PELI2: variants seen among roughly 807,000 people sequenced by gnomAD.
The protein encoded by PELI2 is E3 ubiquitin-protein ligase pellino homolog 2.
Under a neutral mutation model 42.3 loss-of-function variants are expected in PELI2, and 23 were observed. The observed-to-expected ratio is 0.54, with a 90% confidence interval of 0.39 to 0.77. PELI2 has a LOEUF of 0.77. Among genes scored for constraint, PELI2 ranks in the 30% least tolerant of loss-of-function variants. The probability of loss-of-function intolerance (pLI) is 0.00; values close to 1 mark genes in which losing one functional copy is unlikely to be tolerated. For missense variants in PELI2, 463 were observed against 553.2 expected, an observed-to-expected ratio of 0.84 and a Z score of 1.64; for synonymous variants, 245 against 212.2, an observed-to-expected ratio of 1.15 and a Z score of -1.34.
chr14:56,233,534 G>A (rs1887666533), intron 2 of PELI2, among the ~76,000 whole-genome samples: 1 of 152,118 alleles, frequency 6.6e-6, no homozygotes, highest in Non-Finnish European at 1.5e-5. Context: ...AATGGTGCTG[G>A]GAAAACTGGC....
chr14:56,171,981 A>C (rs1389369325), intron 1 of PELI2, among the ~76,000 whole-genome samples: 2 of 152,000 alleles, frequency 1.3e-5, no homozygotes, highest in African/African-American at 4.8e-5. Context: ...ATGCCACTGC[A>C]CTCCAGCCTG....
intron 1 of PELI2, among the ~76,000 whole-genome samples, chr14:56,133,043 T>G (rs1883550971): frequency 6.6e-6 from 1 of 152,050 alleles, no homozygotes; most frequent in Admixed American, 6.6e-5. Context: ...GGAAGAAAAA[T>G]TTTTCCAAAT....
At chr14:56,251,931 A>C (rs1224190613) in intron 2 of PELI2, among the ~76,000 whole-genome samples, 1 of 152,186 alleles carries the variant, frequency 6.6e-6, no homozygotes. Flanking sequence ...TGCCAAACGT[A>C]TACACCGTAA....
At chr14:56,172,294 C>T (rs756782491) in intron 1 of PELI2, among the ~76,000 whole-genome samples, 1 of 152,156 alleles carries the variant, frequency 6.6e-6, no homozygotes, top group Non-Finnish European at 1.5e-5. Flanking sequence ...GAAGGGTGGG[C>T]TCTGCTGGGA....
At chr14:56,220,694 G>T (rs936871844) in intron 2 of PELI2, among the ~76,000 whole-genome samples, 1 of 152,118 alleles carries the variant, frequency 6.6e-6, no homozygotes, top group Non-Finnish European at 1.5e-5. Flanking sequence ...GAGCATAGGG[G>T]AGGTGGCATA....
At chr14:56,282,900 T>G (rs1217996176) in intron 3 of PELI2, among the ~76,000 whole-genome samples, 2 of 152,122 alleles carry the variant, frequency 1.3e-5, no homozygotes, top group East Asian at 3.8e-4. Context: ...CAGTGAAGAT[T>G]TTAAAGATTT....
chr14:56,259,021 A>G (rs1236297998), intron 2 of PELI2, among the ~76,000 whole-genome samples: 1 of 152,100 alleles, frequency 6.6e-6, no homozygotes, highest in Non-Finnish European at 1.5e-5. Flanking sequence ...AAACAGAAAC[A>G]CTGCAAGTCA....
chr14:56,296,942 C>T lies in PELI2; in HGVS notation c.1039C>T (p.Leu347Phe), dbSNP rs981054994. ...MCRTVGPYVP[L>F]WLGCEAGFYV... ...CAGGACTGTGGGCCCCTATGTGCCT[C>T]TCTGGCTTGGCTGTGAGGCAGGATT... Residue 347 changes from leucine (L) to phenylalanine (F), a missense_variant, in exon 6 of 6, where the codon CTC becomes TTC. Coordinates refer to ENST00000267460, the MANE Select transcript of PELI2 (RefSeq NM_021255.3). 1.2e-6 allele frequency: 2 copies of T among 1,614,154 alleles called. No homozygotes were observed. Among genetic ancestry groups the T allele is most frequent in the Non-Finnish European group, 1.7e-6 (2 of 1,180,022 alleles).
chr14:56,189,744 A>G (rs1885893408), intron 2 of PELI2, among the ~76,000 whole-genome samples: 1 of 152,280 alleles, frequency 6.6e-6, no homozygotes, highest in South Asian at 2.1e-4. Context: ...GCTAAAATGC[A>G]TTGATAGATT....
rs1232284060 is a variant in PELI2 at position 56,118,619 on chromosome 14, G to GCGGCGGCGT, written c.-33_-25dup. 5.8e-5 allele frequency: 72 copies of GCGGCGGCGT among 1,238,064 alleles called. 1 individual carries two copies. The highest frequency in any genetic ancestry group is 2.9e-4 in the Middle Eastern group (1 of 3,424). 76.7% of individuals were successfully genotyped at this position (1,238,064 alleles called of 1,614,324 possible). On this transcript the variant is annotated 5_prime_UTR_variant, in exon 1 of 6. Transcript: ENST00000267460. ...GGACTCGGCGGGGATCGCGGCGGAGGCGGCGGCGTCGGCGGCGGCGTCGGC... is the reference window on the plus strand; with the variant it reads ...GGACTCGGCGGGGATCGCGGCGGAGGCGGCGGCGTCGGCGGCGTCGGCGGCGGCGTCGGC...
intron 5 of PELI2, among the ~76,000 whole-genome samples, chr14:56,296,054 A>C (rs1255146648): frequency 1.3e-5 from 2 of 152,256 alleles, no homozygotes; most frequent in African/African-American, 4.8e-5. Flanking sequence ...ATGAAGGCTC[A>C]TGTTGAACTG....
intron 1 of PELI2, among the ~76,000 whole-genome samples, chr14:56,172,815 T>A (rs776469907): frequency 3.3e-5 from 5 of 152,216 alleles, no homozygotes; most frequent in African/African-American, 4.8e-5. Context: ...TGACTCATTC[T>A]TTTCCAAATC....
chr14:56,232,511 C>T (rs1334792721), intron 2 of PELI2, among the ~76,000 whole-genome samples: 1 of 152,112 alleles, frequency 6.6e-6, no homozygotes, highest in Non-Finnish European at 1.5e-5. Flanking sequence ...ACAAAAAGCA[C>T]ATGATTATCT....
intron 2 of PELI2, among the ~76,000 whole-genome samples, chr14:56,218,913 T>C (rs1182791628): frequency 1.3e-5 from 2 of 152,188 alleles, no homozygotes; most frequent in Admixed American, 1.3e-4. Context: ...TCAGAGGTGG[T>C]AACTATGAAG....
intron 2 of PELI2, among the ~76,000 whole-genome samples, chr14:56,236,082 TA>T (rs1887782889): frequency 6.6e-6 from 1 of 152,224 alleles, no homozygotes; most frequent in African/African-American, 2.4e-5. Context: ...ATATGTCACT[TA>T]AAAAATTTTT....
chr14:56,196,790 A>G lies in PELI2; in HGVS notation c.207+18326A>G, dbSNP rs1015980379. Among the ~76,000 whole-genome samples the G allele has an allele frequency of 4.6e-5, 7 of 152,032 alleles. No homozygotes were observed. In the East Asian group the frequency reaches 7.7e-4, roughly 17 times the overall value. On this transcript the variant is annotated intron_variant, in intron 2 of 5. Transcript: ENST00000267460. ...GCCTATTTTTGAATTGTATTGTTTG[A>G]CTTCTGTTTTTTAATTTGTAGAATC...
intron 2 of PELI2, among the ~76,000 whole-genome samples, chr14:56,216,479 C>A (rs1036221233): frequency 5.9e-5 from 9 of 152,220 alleles, no homozygotes; most frequent in African/African-American, 2.2e-4. Flanking sequence ...ATACTCATAC[C>A]CAACAAGACA....
At chr14:56,212,449 C>G (rs1197676670) in intron 2 of PELI2, among the ~76,000 whole-genome samples, 1 of 152,232 alleles carries the variant, frequency 6.6e-6, no homozygotes, top group Non-Finnish European at 1.5e-5. Context: ...TAGGCATCCC[C>G]TCTTCTTTTC....
At chr14:56,174,881 C>T (rs2139661901) in intron 1 of PELI2, among the ~76,000 whole-genome samples, 1 of 152,338 alleles carries the variant, frequency 6.6e-6, no homozygotes, top group South Asian at 2.1e-4. Context: ...CCTCCTTTCC[C>T]ACTACTCTCT....
Sources: allele counts gnomAD v4.1 joint callset (sites outside exome capture counted in the v4.1 genomes callset), GRCh38; gene constraint gnomAD v4.1.1; transcripts MANE v1.5; gene names NCBI Gene and HGNC (gene_info 2026-07-23, HGNC 2026-07-21).